The following CLIP1 variants were observed in gnomAD, a reference collection of about 807,000 sequenced individuals.
CLIP1 encodes CAP-Gly domain containing linker protein 1.
A neutral mutation model predicts 161.6 loss-of-function variants in CLIP1; 66 were observed. The ratio of observed to expected loss-of-function variants is 0.41; its 90% confidence interval spans 0.33 to 0.50. CLIP1 has a LOEUF of 0.50. Among genes scored for constraint, CLIP1 ranks in the 20% least tolerant of loss-of-function variants. CLIP1 has a pLI of 0.27. For missense variants in CLIP1, 1,376 were observed against 1,702.0 expected (o/e 0.81, Z 3.37); for synonymous variants, 598 against 626.2 (o/e 0.96, Z 0.67).
chr12:122,358,194 T>G (rs932511320), intron 5 of CLIP1, among the ~76,000 whole-genome samples: 1 of 151,310 alleles, frequency 6.6e-6, no homozygotes, highest in African/African-American at 2.4e-5. Context: ...TTAAATGGAT[T>G]AAGGGCGGTG....
intron 24 of CLIP1, 35 bp downstream of exon 24, chr12:122,278,119 A>C (rs1955505302): frequency 6.3e-7 from 1 of 1,584,640 alleles, no homozygotes; most frequent in Middle Eastern, 1.7e-4. Context: ...TTTGAAAAAC[A>C]GCAAGAAAGT....
chr12:122,309,662 C>T (rs552400560), intron 20 of CLIP1, 100 bp downstream of exon 20: 3 of 1,405,500 alleles, frequency 2.1e-6, no homozygotes, highest in Non-Finnish European at 3.0e-6. Context: ...GGAATGACCC[C>T]ACCACACTGA....
chr12:122,292,211 C>T (rs867906182), intron 20 of CLIP1, among the ~76,000 whole-genome samples: 41 of 150,822 alleles, frequency 2.7e-4, no homozygotes, highest in African/African-American at 1.0e-3. Context: ...CTATATTGGT[C>T]AGGCTGGTCT....
chr12:122,397,656 A>G (rs1008939682), intron 1 of CLIP1, among the ~76,000 whole-genome samples: 4 of 151,368 alleles, frequency 2.6e-5, no homozygotes, highest in Non-Finnish European at 5.9e-5. Context: ...AACTTTTCCA[A>G]AACTGAAAAT....
intron 1 of CLIP1, chr12:122,395,409 C>T (rs1206077225): frequency 5.3e-5 from 8 of 152,110 alleles, no homozygotes; most frequent in Non-Finnish European, 1.2e-4. Context: ...TCTGTAGAAT[C>T]GGGGCAGGCA....
intron 1 of CLIP1, among the ~76,000 whole-genome samples, chr12:122,388,091 T>C (rs538068673): frequency 2.0e-5 from 3 of 152,280 alleles, no homozygotes; most frequent in Admixed American, 1.3e-4. Flanking sequence ...TGCATTTCTA[T>C]AAAGCAGTCA....
chr12:122,412,284 G>A (rs779826585), intron 1 of CLIP1, among the ~76,000 whole-genome samples: 1 of 150,034 alleles, frequency 6.7e-6, no homozygotes, highest in Non-Finnish European at 1.5e-5. Flanking sequence ...GAGCTCACGG[G>A]ATCCATCCAC....
At chr12:122,273,935 T>G (rs1955284490) in intron 25 of CLIP1, 103 bp downstream of exon 25, 2 of 895,090 alleles carry the variant, frequency 2.2e-6, no homozygotes, top group African/African-American at 3.4e-5. Context: ...TTTCATCGTG[T>G]TGGCCAGGCT....
chr12:122,293,401 T>C (rs1232095778), intron 20 of CLIP1, among the ~76,000 whole-genome samples: 1 of 152,002 alleles, frequency 6.6e-6, no homozygotes, highest in East Asian at 1.9e-4. Flanking sequence ...GAGAAGTATG[T>C]GGGATAACCG....
intron 21 of CLIP1, among the ~76,000 whole-genome samples, chr12:122,283,921 A>G (rs1955745727): frequency 6.6e-6 from 1 of 152,210 alleles, no homozygotes. Flanking sequence ...ATGACCAACT[A>G]CATTTCAAAT....
At chr12:122,338,932 A>T (rs540248671) in intron 11 of CLIP1, among the ~76,000 whole-genome samples, 2 of 152,266 alleles carry the variant, frequency 1.3e-5, no homozygotes, top group Admixed American at 1.3e-4. Flanking sequence ...GTTAGTTAGC[A>T]ATTTTTTGCT....
At chr12:122,333,643 G>A (rs981802673) in intron 14 of CLIP1, among the ~76,000 whole-genome samples, 12 of 152,206 alleles carry the variant, frequency 7.9e-5, no homozygotes, top group African/African-American at 2.7e-4. Flanking sequence ...CTTGAGGAGA[G>A]GAGCGACATG....
At chr12:122,346,086 A>AT (rs1952733906) in intron 10 of CLIP1, among the ~76,000 whole-genome samples, 1 of 152,026 alleles carries the variant, frequency 6.6e-6, no homozygotes, top group African/African-American at 2.4e-5. Flanking sequence ...GCGCCTGGCC[A>AT]TTTCTTAATC....
rs74569553 is a variant in CLIP1, at chr12:122,339,903, A to G, written c.2451+850T>C. ...TGTACTGAATGTTGTAGGCAACTGT[A>G]ACACAATGCTAAGTATTTGTGTATC... On this transcript the variant is annotated intron_variant, in intron 11 of 25. Coordinates refer to ENST00000620786, the MANE Select transcript of CLIP1 (RefSeq NM_001247997.2). 4.1e-3 allele frequency among the ~76,000 whole-genome samples: 628 copies of G among 152,298 alleles called. 22 individuals carry two copies. In the East Asian group the frequency reaches 0.07, roughly 17 times the overall value.
chr12:122,336,860 A>C, intron 11 of CLIP1, 112 bp from the exon 12 acceptor site: 1 of 463,192 alleles, frequency 2.2e-6, no homozygotes, highest in Non-Finnish European at 3.8e-6. Flanking sequence ...ATAAAACAAA[A>C]CTGAAAGGAA....
chr12:122,292,779 G>A lies in CLIP1; in HGVS notation c.3595-4238C>T, dbSNP rs958538502. On this transcript the variant is annotated intron_variant, in intron 20 of 25. Coordinates refer to ENST00000620786, the MANE Select transcript of CLIP1 (RefSeq NM_001247997.2). ...AGCACTTTGGGAGGCCGAGGCGGGC[G>A]GATCACGAGGTCAGGAGATCGAGAC... 2.3e-4 allele frequency among the ~76,000 whole-genome samples: 35 copies of A among 152,080 alleles called. 1 individual carries two copies. In the East Asian group the frequency reaches 2.3e-3, roughly 10 times the overall value.
At chr12:122,408,027 G>C (rs1024308544) in intron 1 of CLIP1, among the ~76,000 whole-genome samples, 3 of 151,758 alleles carry the variant, frequency 2.0e-5, no homozygotes, top group Non-Finnish European at 2.9e-5. Flanking sequence ...CCTGAGGTCA[G>C]GAGTTCAAGA....
rs757265307 is a variant in CLIP1 at position 122,352,735 on chromosome 12, A to G, written c.1359T>C (p.Gly453=). The G allele has an allele frequency of 1.7e-5, 28 of 1,613,882 alleles. No homozygotes were observed. The highest frequency in any genetic ancestry group is 2.4e-5 in the Non-Finnish European group (28 of 1,179,792). ...FRVEEESITK[G]DLEQKSQISE... The stretch of plus-strand genomic sequence containing the variant: ...GCTGGAGGGGTTTTACCTCAAGATC[A>G]CCTTTGGTAATTGATTCTTCTTCAA... The change falls in exon 8 of 26, where the codon GGT becomes GGC. Residue 453 remains glycine, a synonymous_variant. Coordinates refer to ENST00000620786, the MANE Select transcript of CLIP1 (RefSeq NM_001247997.2).
intron 1 of CLIP1, among the ~76,000 whole-genome samples, chr12:122,418,726 G>A (rs565839291): frequency 2.0e-5 from 3 of 152,270 alleles, no homozygotes; most frequent in Non-Finnish European, 4.4e-5. Flanking sequence ...TTGTGCCACT[G>A]CACTCCAGCC....
Sources: allele counts gnomAD v4.1 joint callset (sites outside exome capture counted in the v4.1 genomes callset), GRCh38; gene constraint gnomAD v4.1.1; transcripts MANE v1.5; gene names NCBI Gene and HGNC (gene_info 2026-07-23, HGNC 2026-07-21).